The following HS6ST3 variants were observed in gnomAD, a reference collection of about 807,000 sequenced individuals.
HS6ST3 encodes heparan-sulfate 6-O-sulfotransferase 3.
Under a neutral mutation model 36.7 loss-of-function variants are expected in HS6ST3, and 12 were observed. That is an observed-to-expected ratio of 0.33 (90% CI 0.21 to 0.53). The LOEUF is 0.53. HS6ST3 is among the 20% of genes least tolerant of loss of function. The probability of loss-of-function intolerance (pLI) is 0.95; values close to 1 mark genes in which losing one functional copy is unlikely to be tolerated. For missense variants in HS6ST3, 584 were observed against 640.9 expected (o/e 0.91, Z 0.96); for synonymous variants, 240 against 257.5 (o/e 0.93, Z 0.65).
At chr13:96,459,344 A>G (rs1170357937) in intron 1 of HS6ST3, among the ~76,000 whole-genome samples, 1 of 152,084 alleles carries the variant, frequency 6.6e-6, no homozygotes, top group Non-Finnish European at 1.5e-5. Context: ...AGCCTGAGAT[A>G]TCACTGACTT....
intron 1 of HS6ST3, among the ~76,000 whole-genome samples, chr13:96,625,863 C>T (rs1448102023): frequency 2.7e-5 from 4 of 150,046 alleles, no homozygotes; most frequent in East Asian, 2.0e-4. Context: ...TTATTCGAGA[C>T]GGAGTCTTGC....
In HS6ST3 at chr13:96,801,171, A is replaced by G. The variant is rs149276335; in HGVS notation, c.708-31319A>G. Among the ~76,000 whole-genome samples, 25 of 152,106 alleles carry G rather than the reference A, an allele frequency of 1.6e-4. No homozygotes were observed. In the East Asian group the frequency reaches 4.5e-3, roughly 27 times the overall value. Reference sequence around the variant, plus strand: ...AGCACATTCAGTGTGTTCTTTTCCCACTTACATCAAGGCTGCTCCATCTCT... The same window carrying G: ...AGCACATTCAGTGTGTTCTTTTCCCGCTTACATCAAGGCTGCTCCATCTCT... On this transcript the variant is annotated intron_variant, in intron 1 of 1. Coordinates refer to ENST00000376705, the MANE Select transcript of HS6ST3 (RefSeq NM_153456.4).
intron 1 of HS6ST3, among the ~76,000 whole-genome samples, chr13:96,792,388 C>T (rs902482272): frequency 1.1e-4 from 16 of 152,018 alleles, no homozygotes; most frequent in South Asian, 8.3e-4. Flanking sequence ...GACATTGTGA[C>T]GCCCCCTCTG....
intron 1 of HS6ST3, among the ~76,000 whole-genome samples, chr13:96,391,913 C>T (rs2055397771): frequency 6.6e-6 from 1 of 152,206 alleles, no homozygotes; most frequent in Admixed American, 6.5e-5. Flanking sequence ...GTCTATGTCA[C>T]TGGCTTGCCG....
chr13:96,385,160 C>T (rs2055361170), intron 1 of HS6ST3, among the ~76,000 whole-genome samples: 1 of 123,302 alleles, frequency 8.1e-6, no homozygotes, highest in African/African-American at 2.9e-5. Context: ...GCCTGGGCAA[C>T]AAGAGCAGAA....
At chr13:96,236,807 A>T (rs1158580862) in intron 1 of HS6ST3, among the ~76,000 whole-genome samples, 1 of 152,200 alleles carries the variant, frequency 6.6e-6, no homozygotes, top group Non-Finnish European at 1.5e-5. Context: ...CTGTCCTTTC[A>T]TCTGCTCTCC....
intron 1 of HS6ST3, among the ~76,000 whole-genome samples, chr13:96,101,711 C>T (rs1759517672): frequency 6.6e-6 from 1 of 152,084 alleles, no homozygotes; most frequent in African/African-American, 2.4e-5. Flanking sequence ...GACATTGGTA[C>T]ATATATGTCA....
intron 1 of HS6ST3, among the ~76,000 whole-genome samples, chr13:96,702,788 T>C (rs1376429180): frequency 6.6e-6 from 1 of 152,192 alleles, no homozygotes; most frequent in African/African-American, 2.4e-5. Flanking sequence ...AATCTTAGTA[T>C]GTAAGTTCAC....
chr13:96,241,812 G>A (rs1197239287), intron 1 of HS6ST3, among the ~76,000 whole-genome samples: 2 of 143,388 alleles, frequency 1.4e-5, no homozygotes, highest in Admixed American at 7.1e-5. Flanking sequence ...TTGAGATGGA[G>A]TCTGGCTCTG....
rs962318849 is a variant in HS6ST3 at position 96,749,613 on chromosome 13, C to G, written c.708-82877C>G. Among the ~76,000 whole-genome samples, 3 of 151,938 alleles carry G rather than the reference C, an allele frequency of 2.0e-5. No individual in the cohort carries two copies. The East Asian group carries it at 5.8e-4, about 29-fold the overall frequency. Reference sequence around the variant, plus strand: ...TTCTAATCTCCAGAAGAATTTAAGTCAGATAAATACATTTTATTGCCTTGT... The same window carrying G: ...TTCTAATCTCCAGAAGAATTTAAGTGAGATAAATACATTTTATTGCCTTGT... On this transcript the variant is annotated intron_variant, in intron 1 of 1. Coordinates refer to ENST00000376705, the MANE Select transcript of HS6ST3 (RefSeq NM_153456.4).
At chr13:96,769,436 T>C (rs570646644) in intron 1 of HS6ST3, among the ~76,000 whole-genome samples, 1 of 86,698 alleles carries the variant, frequency 1.2e-5, no homozygotes, top group African/African-American at 4.6e-5. Context: ...CCCAATGCTA[T>C]CCCTCCCCCC....
At chr13:96,287,403 G>C (rs750267433) in intron 1 of HS6ST3, among the ~76,000 whole-genome samples, 11 of 151,988 alleles carry the variant, frequency 7.2e-5, no homozygotes, top group Admixed American at 4.6e-4. Flanking sequence ...GCTTTTTAGA[G>C]CTATTTTAAG....
chr13:96,310,899 G>T (rs1341070188), intron 1 of HS6ST3, among the ~76,000 whole-genome samples: 1 of 152,142 alleles, frequency 6.6e-6, no homozygotes, highest in Middle Eastern at 3.4e-3. Flanking sequence ...ACTGTCTGTT[G>T]CTTCCTACTA....
chr13:96,756,238 T>C (rs1275270713), intron 1 of HS6ST3, among the ~76,000 whole-genome samples: 2 of 152,180 alleles, frequency 1.3e-5, no homozygotes, highest in Non-Finnish European at 2.9e-5. Flanking sequence ...TTTAGAAAAG[T>C]TGTTTATATA....
At chr13:96,270,867 G>C (rs1274310376) in intron 1 of HS6ST3, among the ~76,000 whole-genome samples, 1 of 151,756 alleles carries the variant, frequency 6.6e-6, no homozygotes, top group Non-Finnish European at 1.5e-5. Flanking sequence ...CCTCCTCACA[G>C]AGTTCATATA....
chr13:96,801,568 C>T (rs550796192), intron 1 of HS6ST3, among the ~76,000 whole-genome samples: 2 of 152,152 alleles, frequency 1.3e-5, no homozygotes, highest in East Asian at 1.9e-4. Context: ...ACTTTGAAAA[C>T]ATTCTCTTAC....
intron 1 of HS6ST3, among the ~76,000 whole-genome samples, chr13:96,202,257 AG>A (rs1381033457): frequency 6.6e-6 from 1 of 152,196 alleles, no homozygotes; most frequent in Non-Finnish European, 1.5e-5. Flanking sequence ...AAATGATTAG[AG>A]GGGGTAAAGG....
chr13:96,541,182 G>A (rs1210866175), intron 1 of HS6ST3, among the ~76,000 whole-genome samples: 3 of 151,996 alleles, frequency 2.0e-5, no homozygotes, highest in African/African-American at 4.8e-5. Context: ...ACAGGTGCCC[G>A]CTGCCACCCC....
intron 1 of HS6ST3, among the ~76,000 whole-genome samples, chr13:96,668,933 A>G (rs2056674334): frequency 6.6e-6 from 1 of 151,942 alleles, no homozygotes; most frequent in African/African-American, 2.4e-5. Flanking sequence ...AGCGATAAAC[A>G]TGCAGATGGA....
Sources: allele counts gnomAD v4.1 joint callset (sites outside exome capture counted in the v4.1 genomes callset), GRCh38; gene constraint gnomAD v4.1.1; transcripts MANE v1.5; gene names NCBI Gene and HGNC (gene_info 2026-07-23, HGNC 2026-07-21).